Variants in CCDC171 observed in about 807,000 individuals in gnomAD.
CCDC171 encodes the protein coiled-coil domain containing 171, also known as coiled-coil domain-containing protein 171.
A neutral mutation model predicts 168.2 loss-of-function variants in CCDC171; 177 were observed. That is an observed-to-expected ratio of 1.05 (90% CI 0.93 to 1.19). CCDC171 has a LOEUF of 1.19. CCDC171 is among the 50% of genes most tolerant of loss of function. The pLI is 0.00. For missense variants in CCDC171, 1,991 were observed against 1,539.0 expected, an observed-to-expected ratio of 1.29 and a Z score of -4.91; for synonymous variants, 687 against 540.8, an observed-to-expected ratio of 1.27 and a Z score of -3.75.
chr9:15,717,805 C>T (rs2053188831), intron 11 of CCDC171, among the ~76,000 whole-genome samples: 1 of 152,094 alleles, frequency 6.6e-6, no homozygotes, highest in Non-Finnish European at 1.5e-5. Flanking sequence ...GACTAAAGAG[C>T]CCCTGGGGCC....
intron 3 of CCDC171, among the ~76,000 whole-genome samples, chr9:15,981,759 C>G (rs1433384373): frequency 6.6e-6 from 1 of 152,072 alleles, no homozygotes; most frequent in East Asian, 1.9e-4. Flanking sequence ...CCTTTTCCAC[C>G]CCCACCTTTT....
At chr9:15,577,470 A>T (rs1159377976) in intron 3 of CCDC171, among the ~76,000 whole-genome samples, 1 of 152,198 alleles carries the variant, frequency 6.6e-6, no homozygotes, top group Non-Finnish European at 1.5e-5. Context: ...CTGTGATCCC[A>T]CTGTATGCTG....
chr9:16,074,692 A>G, the CCDC171 span, among the ~76,000 whole-genome samples: 72,478 of 152,086 alleles, frequency 0.48, 19,386 homozygotes, highest in African/African-American at 0.74. Context: ...AAGAGGTGGC[A>G]GAAGATATTC....
At chr9:15,627,839 T>A (rs1287018540) in intron 7 of CCDC171, among the ~76,000 whole-genome samples, 1 of 152,204 alleles carries the variant, frequency 6.6e-6, no homozygotes, top group Non-Finnish European at 1.5e-5. Flanking sequence ...TAGGTCTGCT[T>A]GGTGCAGAGC....
At chr9:15,628,110 G>T (rs1052931299) in intron 7 of CCDC171, among the ~76,000 whole-genome samples, 1 of 152,156 alleles carries the variant, frequency 6.6e-6, no homozygotes, top group African/African-American at 2.4e-5. Flanking sequence ...CGCAGAAGAC[G>T]GGTGATTTCT....
At chr9:15,942,478 C>T (rs1480596382) in intron 25 of CCDC171, among the ~76,000 whole-genome samples, 1 of 151,826 alleles carries the variant, frequency 6.6e-6, no homozygotes, top group Non-Finnish European at 1.5e-5. Flanking sequence ...AGAGAAATTG[C>T]TGTTGTGTGG....
intron 1 of CCDC171, among the ~76,000 whole-genome samples, chr9:15,560,196 A>G (rs1377720176): frequency 6.6e-6 from 1 of 151,940 alleles, no homozygotes; most frequent in South Asian, 2.1e-4. Context: ...GAATCTGACA[A>G]TTATGTGTCT....
At chr9:15,933,830 A>C (rs1826800052) in intron 25 of CCDC171, among the ~76,000 whole-genome samples, 2 of 152,040 alleles carry the variant, frequency 1.3e-5, no homozygotes, top group Admixed American at 6.6e-5. Context: ...AGTAAAATGC[A>C]TACCAATAAA....
chr9:15,675,840 A>G lies in CCDC171; in HGVS notation c.1077-2918A>G, dbSNP rs1401742895. ...CATTTCAATCTTGGTGAATCTGACAATCGTGCATCTTGGGATTGTTCTTTT... is the reference window on the plus strand; with the variant it reads ...CATTTCAATCTTGGTGAATCTGACAGTCGTGCATCTTGGGATTGTTCTTTT... On this transcript the variant is annotated intron_variant, in intron 9 of 25. Transcript: ENST00000380701. Among the ~76,000 whole-genome samples the G allele has an allele frequency of 2.0e-5, 3 of 152,182 alleles. No individual in the cohort carries two copies. In the East Asian group the frequency reaches 5.8e-4, roughly 29 times the overall value.
chr9:15,852,576 T>C (rs2061176555), intron 23 of CCDC171, among the ~76,000 whole-genome samples: 1 of 151,694 alleles, frequency 6.6e-6, no homozygotes, highest in African/African-American at 2.4e-5. Flanking sequence ...TGAACAGAAG[T>C]TTTAGAATTT....
chr9:16,090,253 A>G, the CCDC171 span, among the ~76,000 whole-genome samples: 2 of 152,234 alleles, frequency 1.3e-5, no homozygotes, highest in African/African-American at 2.4e-5. Context: ...TAAAAGGATG[A>G]GTTCATGTCC....
intron 6 of CCDC171, among the ~76,000 whole-genome samples, chr9:15,601,086 G>C (rs933033316): frequency 6.6e-6 from 1 of 152,210 alleles, no homozygotes; most frequent in African/African-American, 2.4e-5. Flanking sequence ...TGCCTCCTGG[G>C]GGAGGCGATG....
At chr9:15,600,931 G>C (rs544288341) in intron 6 of CCDC171, among the ~76,000 whole-genome samples, 5 of 152,288 alleles carry the variant, frequency 3.3e-5, no homozygotes, top group African/African-American at 1.2e-4. Flanking sequence ...AGGACCCTCC[G>C]AGCCAAGCGC....
At chr9:15,653,240 A>G (rs1040291472) in intron 7 of CCDC171, among the ~76,000 whole-genome samples, 5 of 152,134 alleles carry the variant, frequency 3.3e-5, no homozygotes, top group Non-Finnish European at 7.3e-5. Flanking sequence ...CCTGGGCTCA[A>G]GTGATCCTCC....
the CCDC171 span, among the ~76,000 whole-genome samples, chr9:16,088,892 C>T: frequency 9.9e-5 from 15 of 152,122 alleles, no homozygotes; most frequent in East Asian, 7.7e-4. Flanking sequence ...AAACAGAGCC[C>T]GTATAGCCAA....
At chr9:15,608,048 G>C (rs144855734) in intron 6 of CCDC171, among the ~76,000 whole-genome samples, 1 of 152,254 alleles carries the variant, frequency 6.6e-6, no homozygotes, top group East Asian at 1.9e-4. Flanking sequence ...GGCTGCACAG[G>C]GCATTGCATG....
chr9:15,718,421 C>A (rs1261760358), intron 11 of CCDC171, among the ~76,000 whole-genome samples: 2 of 152,230 alleles, frequency 1.3e-5, no homozygotes, highest in East Asian at 3.8e-4. Flanking sequence ...AGGAGAAGGA[C>A]ACAATCCTGG....
intron 11 of CCDC171, among the ~76,000 whole-genome samples, chr9:15,717,846 C>T (rs1406397968): frequency 2.0e-5 from 3 of 152,208 alleles, no homozygotes; most frequent in Admixed American, 6.5e-5. Flanking sequence ...CCGTGTAGTA[C>T]ACACGGACCT....
chr9:16,069,422 C>T, the CCDC171 span, among the ~76,000 whole-genome samples: 7 of 152,244 alleles, frequency 4.6e-5, no homozygotes, highest in South Asian at 2.1e-4. Flanking sequence ...TGTGCATGTG[C>T]GTGTGCACGT....
Sources: gnomAD v4.1 joint callset for allele counts (sites outside exome capture counted in the v4.1 genomes callset) on GRCh38, gnomAD v4.1.1 for gene constraint, MANE v1.5 for transcripts, NCBI Gene and HGNC (gene_info 2026-07-23, HGNC 2026-07-21) for gene names.